OS9: variants seen among roughly 807,000 people sequenced by gnomAD.
The protein encoded by OS9 is OS9 endoplasmic reticulum lectin.
A neutral mutation model predicts 84.7 loss-of-function variants in OS9; 58 were observed. The ratio of observed to expected loss-of-function variants is 0.68; its 90% CI spans 0.55 to 0.85. The LOEUF is 0.85. Ranked by LOEUF, OS9 falls within the 40% of genes least tolerant of loss-of-function variation. The pLI is 0.00. For missense variants in OS9, 760 were observed against 850.9 expected (o/e 0.89, Z 1.33); for synonymous variants, 278 against 320.8 (o/e 0.87, Z 1.43).
At chr12:57,695,179 G>A (rs1056486844) in intron 2 of OS9, 14 of 522,998 alleles carry the variant, frequency 2.7e-5, no homozygotes, top group African/African-American at 2.5e-4. Flanking sequence ...GGTCTGCGTG[G>A]GGTAGGAGGA....
chr12:57,718,454 A>G, intron 11 of OS9, 33 bp downstream of exon 11: 1 of 1,599,128 alleles, frequency 6.3e-7, no homozygotes, highest in Non-Finnish European at 8.5e-7. Flanking sequence ...TTGCTTCCAC[A>G]GCCGCCTGGT....
In OS9 at chr12:57,719,026, A is replaced by G. The variant is rs774784602; in HGVS notation, c.1444A>G (p.Lys482Glu). The G allele has an allele frequency of 1.9e-6, 3 of 1,613,970 alleles. No individual in the cohort carries two copies. Among genetic ancestry groups the G allele is most frequent in the Non-Finnish European group, 2.5e-6 (3 of 1,179,942 alleles). The change falls in exon 12 of 15, where the codon AAG (lysine) becomes GAG (glutamate). Residue 482 changes from lysine to glutamate, a missense_variant. By Grantham distance (56) the Lys-to-Glu change is moderately conservative (BLOSUM62 1). Transcript: ENST00000315970. ...AGAGCTGGACCCAGATGGGCTGAAG[A>G]AGGAGTCAGAGCGGGATCGGGCAAT... ...EKELDPDGLK[K>E]ESERDRAMLA...
Position 57,717,959 on chromosome 12 carries a change from G to T in OS9, c.1134+1G>T, listed in dbSNP as rs1565781424. 1 of 1,607,008 alleles carries T rather than the reference G, an allele frequency of 6.2e-7. No homozygotes were observed. Among genetic ancestry groups the T allele is most frequent in the Non-Finnish European group, 8.5e-7 (1 of 1,177,514 alleles). On this transcript the variant is annotated splice_donor_variant, in intron 10 of 14. Coordinates refer to ENST00000315970, the MANE Select transcript of OS9 (RefSeq NM_006812.4). LOFTEE classifies it high-confidence loss of function. The stretch of plus-strand genomic sequence containing the variant: ...GGAGCTGAAAGGTGGAACAAAAAAG[G>T]TATAGGCCGTGCTTAGGGAATGGGT...
intron 5 of OS9, 79 bp downstream of exon 5, chr12:57,696,452 C>CG (rs1555192314): frequency 8.0e-5 from 1 of 12,528 alleles, no homozygotes; most frequent in African/African-American, 6.0e-4. Context: ...ATCTTATAGT[C>CG]GGGGCGGGGG....
Position 57,696,316 on chromosome 12 carries a change from C to G in OS9, c.522C>G (p.Thr174=). 1.2e-6 allele frequency: 2 copies of G among 1,613,890 alleles called. No individual in the cohort carries two copies. The highest frequency in any genetic ancestry group is 1.7e-6 in the Non-Finnish European group (2 of 1,179,894). Residue 174 remains threonine (T), a synonymous_variant, in exon 5 of 15, where the codon ACC becomes ACG. Transcript: ENST00000315970. The part of the protein sequence containing the change: ...QHRLKRYHSQ[T]YGNGSKCDLN... ...GTCTTAAACGCTACCACAGCCAGAC[C>G]TATGGCAATGGGTCCAAGTGCGACC...
chr12:57,695,179 G>T (rs1056486844), intron 2 of OS9: 4 of 522,998 alleles, frequency 7.6e-6, no homozygotes, highest in African/African-American at 5.7e-5. Context: ...GGTCTGCGTG[G>T]GGTAGGAGGA....
intron 5 of OS9, among the ~76,000 whole-genome samples, chr12:57,704,620 G>A (rs74833858): frequency 6.6e-6 from 1 of 152,072 alleles, no homozygotes; most frequent in Admixed American, 6.6e-5. Context: ...GGTAATGCCA[G>A]CCTCACAGAA....
rs149677579 is a variant in OS9, at chr12:57,718,935, C to T, written c.1411-58C>T. ...TCAGACTCTCCTACAGAGCCCAGCCCGCTGGCTGCCTCCACACCCCAGACC... is the reference window on the plus strand; with the variant it reads ...TCAGACTCTCCTACAGAGCCCAGCCTGCTGGCTGCCTCCACACCCCAGACC... On this transcript the variant is annotated intron_variant, in intron 11 of 14. Transcript: ENST00000315970. The T allele has an allele frequency of 1.3e-3, 1,683 of 1,297,766 alleles. 27 individuals are homozygous for T. The African/African-American group carries it at 0.021, about 16-fold the overall frequency. 80.4% of individuals were successfully genotyped at this position (1,297,766 alleles called of 1,614,324 possible).
intron 5 of OS9, among the ~76,000 whole-genome samples, chr12:57,697,924 T>TA (rs1953906600): frequency 5.2e-4 from 48 of 91,598 alleles, no homozygotes; most frequent in Non-Finnish European, 9.3e-4. Context: ...CACACACACA[T>TA]ACACACACAC....
intron 2 of OS9, chr12:57,695,244 A>G: frequency 2.4e-6 from 1 of 423,138 alleles, no homozygotes; most frequent in East Asian, 5.0e-5. Flanking sequence ...ACTCTGCTCC[A>G]GTATCCTGTT....
At chr12:57,706,846 G>GAAAAAAAAAAAAAAAAAA (rs11423380) in intron 5 of OS9, among the ~76,000 whole-genome samples, 1 of 41,732 alleles carries the variant, frequency 2.4e-5, no homozygotes, top group Admixed American at 4.3e-4. Flanking sequence ...ATGACTCTCT[G>GAAAAAAAAAAAAAAAAAA]AAAAAAAAAA....
chr12:57,704,943 A>G (rs1954124443), intron 5 of OS9, among the ~76,000 whole-genome samples: 1 of 152,192 alleles, frequency 6.6e-6, no homozygotes, highest in Non-Finnish European at 1.5e-5. Context: ...AATGTATGTT[A>G]TAAGGTTAGG....
At chr12:57,717,990 C>A in intron 10 of OS9, 32 bp downstream of exon 10, 1 of 1,573,314 alleles carries the variant, frequency 6.4e-7, no homozygotes, top group South Asian at 1.1e-5. Flanking sequence ...TGGGTAGAAC[C>A]CACCTCCCAA....
chr12:57,694,295 T>G lies in OS9; in HGVS notation c.134T>G (p.Ile45Ser). 2 of 1,614,056 alleles carry G rather than the reference T, an allele frequency of 1.2e-6. No individual in the cohort carries two copies. Among genetic ancestry groups the G allele is most frequent in the Non-Finnish European group, 8.5e-7 (1 of 1,180,004 alleles). ...ELSEMRYGIE[I>S]LPLPVMGGQS... ...AGTGAGATGCGTTATGGGATCGAGA[T>G]CCTGCCGTTGCCTGTCATGGGAGGG... Residue 45 changes from isoleucine to serine, a missense_variant, in exon 1 of 15, where the codon ATC (isoleucine) becomes AGC (serine). By Grantham distance (142) the Ile-to-Ser change is moderately radical (BLOSUM62 -2). Transcript: ENST00000315970.
At chr12:57,706,330 G>A (rs529586083) in intron 5 of OS9, among the ~76,000 whole-genome samples, 1 of 151,874 alleles carries the variant, frequency 6.6e-6, no homozygotes, top group East Asian at 1.9e-4. Flanking sequence ...TCACTTCTGG[G>A]ATAATCCATG....
At chr12:57,708,448 G>A (rs1370835451) in intron 5 of OS9, among the ~76,000 whole-genome samples, 2 of 151,878 alleles carry the variant, frequency 1.3e-5, no homozygotes, top group African/African-American at 2.4e-5. Context: ...CCTAGCCAAC[G>A]TAGTGAGATC....
At chr12:57,707,344 G>C (rs1260788650) in intron 5 of OS9, among the ~76,000 whole-genome samples, 2 of 152,306 alleles carry the variant, frequency 1.3e-5, no homozygotes, top group African/African-American at 4.8e-5. Flanking sequence ...TCTCACAGTT[G>C]TGCTGGCCAT....
intron 5 of OS9, among the ~76,000 whole-genome samples, chr12:57,708,283 T>A (rs562904118): frequency 2.0e-5 from 3 of 151,708 alleles, no homozygotes; most frequent in South Asian, 4.2e-4. Flanking sequence ...GAGATTTTTT[T>A]AAATGCACAT....
At chr12:57,709,192 T>G (rs1954259044) in intron 5 of OS9, among the ~76,000 whole-genome samples, 1 of 152,222 alleles carries the variant, frequency 6.6e-6, no homozygotes. Flanking sequence ...GAACTCTATA[T>G]AGTAGAGATA....
Sources: gnomAD v4.1 joint callset for allele counts (sites outside exome capture counted in the v4.1 genomes callset) on GRCh38, gnomAD v4.1.1 for gene constraint, MANE v1.5 for transcripts, NCBI Gene and HGNC (gene_info 2026-07-23, HGNC 2026-07-21) for gene names.